The following BCAR3 variants were observed in gnomAD, a reference collection of about 807,000 sequenced individuals.
BCAR3 encodes BCAR3 adaptor protein, NSP family member.
BCAR3 carries 37 observed loss-of-function variants against 80.1 expected under a neutral mutation model. The ratio of observed to expected loss-of-function variants is 0.46; its 90% CI spans 0.36 to 0.61. BCAR3 has a LOEUF of 0.61. Among genes scored for constraint, BCAR3 ranks in the 20% least tolerant of loss-of-function variants. The pLI is 0.00. For missense variants in BCAR3, 978 were observed against 1,068.2 expected (o/e 0.92, Z 1.18); for synonymous variants, 389 against 418.9 (o/e 0.93, Z 0.87).
chr1:93,635,968 T>G (rs574250498), intron 3 of BCAR3, among the ~76,000 whole-genome samples: 1 of 152,300 alleles, frequency 6.6e-6, no homozygotes, highest in Admixed American at 6.5e-5. Flanking sequence ...TGAAGTCACA[T>G]CACCCCTTCT....
intron 3 of BCAR3, among the ~76,000 whole-genome samples, chr1:93,601,972 TCCA>T (rs1195146260): frequency 6.6e-6 from 1 of 152,192 alleles, no homozygotes; most frequent in Non-Finnish European, 1.5e-5. Context: ...TCCACAACAG[TCCA>T]GGCCTCTTAT....
intron 3 of BCAR3, among the ~76,000 whole-genome samples, chr1:93,597,668 T>C (rs1674469632): frequency 6.6e-6 from 1 of 152,268 alleles, no homozygotes; most frequent in East Asian, 1.9e-4. Context: ...ATTGTCATAA[T>C]AGACTCATAT....
chr1:93,596,500 T>C (rs926824297), intron 3 of BCAR3, among the ~76,000 whole-genome samples: 2 of 152,190 alleles, frequency 1.3e-5, no homozygotes, highest in Admixed American at 1.3e-4. Flanking sequence ...ACAGCAGGCA[T>C]TGTGGCACCC....
At chr1:93,764,441 G>T (rs1652069033) in intron 2 of BCAR3, among the ~76,000 whole-genome samples, 1 of 151,974 alleles carries the variant, frequency 6.6e-6, no homozygotes, top group South Asian at 2.1e-4. Flanking sequence ...CATGATCTGA[G>T]ACCTCCCTCC....
chr1:93,764,288 T>C (rs915848298), intron 2 of BCAR3, among the ~76,000 whole-genome samples: 1 of 152,094 alleles, frequency 6.6e-6, no homozygotes, highest in Non-Finnish European at 1.5e-5. Context: ...ATGATGTTTC[T>C]GGAATATGGA....
chr1:93,570,552 GGCACAGCAGATAAAT>G (rs1673171023), intron 9 of BCAR3, among the ~76,000 whole-genome samples: 1 of 152,172 alleles, frequency 6.6e-6, no homozygotes, highest in Non-Finnish European at 1.5e-5. Context: ...AAAAATCCCT[GGCACAGCAGATAAAT>G]TCAAATGCCC....
intron 2 of BCAR3, among the ~76,000 whole-genome samples, chr1:93,773,715 A>G (rs535129196): frequency 6.6e-6 from 1 of 152,170 alleles, no homozygotes; most frequent in Non-Finnish European, 1.5e-5. Context: ...TCCCAGCCTG[A>G]CCAGGACCTC....
chr1:93,738,161 T>TACAG (rs1651047744), intron 2 of BCAR3, among the ~76,000 whole-genome samples: 1 of 152,056 alleles, frequency 6.6e-6, no homozygotes, highest in Admixed American at 6.6e-5. Context: ...AAGATCAGAG[T>TACAG]TTAATTCAAG....
At chr1:93,769,355 A>ATGTGTGTGTGTGTGTGTG (rs59798936) in intron 2 of BCAR3, among the ~76,000 whole-genome samples, 33 of 119,838 alleles carry the variant, frequency 2.8e-4, no homozygotes, top group African/African-American at 9.5e-4. Flanking sequence ...GTGGGTAGGA[A>ATGTGTGTGTGTGTGTGTG]TGTGTGTGTG....
chr1:93,633,196 C>T (rs1315339487), intron 3 of BCAR3, among the ~76,000 whole-genome samples: 1 of 152,128 alleles, frequency 6.6e-6, no homozygotes, highest in East Asian at 1.9e-4. Flanking sequence ...TGGACATCTC[C>T]TTTCCTCCCT....
chr1:93,826,224 C>T (rs535865661), intron 2 of BCAR3, among the ~76,000 whole-genome samples: 63 of 152,292 alleles, frequency 4.1e-4, no homozygotes, highest in African/African-American at 1.4e-3. Context: ...TGATGTTCCA[C>T]ACCTGCCTCA....
chr1:93,655,494 C>T (rs74741941), intron 2 of BCAR3, among the ~76,000 whole-genome samples: 4,362 of 152,114 alleles, frequency 0.029, 96 homozygotes, highest in East Asian at 0.081. Flanking sequence ...GTAAGGACAC[C>T]CACAGAATTC....
At chr1:93,666,863 T>C (rs1175719114) in intron 2 of BCAR3, among the ~76,000 whole-genome samples, 1 of 152,154 alleles carries the variant, frequency 6.6e-6, no homozygotes, top group African/African-American at 2.4e-5. Context: ...TCCATCAACA[T>C]GTGAGAAACT....
intron 2 of BCAR3, among the ~76,000 whole-genome samples, chr1:93,834,684 A>G (rs1284975584): frequency 1.3e-5 from 2 of 152,152 alleles, no homozygotes; most frequent in Non-Finnish European, 2.9e-5. Flanking sequence ...ATCACAAACT[A>G]TGCTCAACTC....
chr1:93,614,178 A>G, intron 3 of BCAR3: 1 of 1,254,184 alleles, frequency 8.0e-7, no homozygotes. Flanking sequence ...CCATGCACAC[A>G]GTGCCAGAAA....
At chr1:93,704,360 G>T (rs1218963467) in intron 3 of BCAR3, among the ~76,000 whole-genome samples, 1 of 152,062 alleles carries the variant, frequency 6.6e-6, no homozygotes, top group East Asian at 1.9e-4. Context: ...AGACGATGAG[G>T]TCAAAAGTAA....
chr1:93,593,961 G>A (rs377425591), intron 3 of BCAR3, among the ~76,000 whole-genome samples: 3 of 152,276 alleles, frequency 2.0e-5, no homozygotes, highest in Admixed American at 6.5e-5. Flanking sequence ...AAAGAGATGC[G>A]GACGCTGGCT....
At chr1:93,764,614 C>T (rs981785361) in intron 2 of BCAR3, among the ~76,000 whole-genome samples, 11 of 152,116 alleles carry the variant, frequency 7.2e-5, no homozygotes, top group African/African-American at 2.7e-4. Context: ...CTGCTCAGGC[C>T]CATCCCCACA....
chr1:93,806,749 T>C (rs1486777558), intron 2 of BCAR3, among the ~76,000 whole-genome samples: 3 of 152,232 alleles, frequency 2.0e-5, no homozygotes, highest in Admixed American at 6.5e-5. Flanking sequence ...CAATTTTCTT[T>C]AACTCAAAGC....
Sources: allele counts gnomAD v4.1 joint callset (sites outside exome capture counted in the v4.1 genomes callset), GRCh38; gene constraint gnomAD v4.1.1; transcripts MANE v1.5; gene names NCBI Gene and HGNC (gene_info 2026-07-23, HGNC 2026-07-21).